The following MAP4K4 variants were observed in gnomAD, a reference collection of about 807,000 sequenced individuals.
MAP4K4 encodes the protein HPK/GCK-like kinase HGK.
Under a neutral mutation model 189.6 loss-of-function variants are expected in MAP4K4, and 38 were observed. The observed-to-expected ratio is 0.20, with a 90% CI of 0.15 to 0.26. The LOEUF is 0.26. MAP4K4 is among the 10% of genes least tolerant of loss of function. The probability of loss-of-function intolerance (pLI) is 1.00; values close to 1 mark genes in which losing one functional copy is unlikely to be tolerated. For synonymous variants in MAP4K4, 610 were observed against 624.3 expected, an observed-to-expected ratio of 0.98 and a Z score of 0.34; for missense variants, 1,054 against 1,726.9, an observed-to-expected ratio of 0.61 and a Z score of 6.91.
Position 101,814,055 on chromosome 2 carries a change from G to T in MAP4K4, c.181-9873G>T, listed in dbSNP as rs568615320. On this transcript the variant is annotated intron_variant, in intron 3 of 32. Coordinates refer to ENST00000324219, the Ensembl canonical transcript of MAP4K4. ...AGGGAGGTGATATTTAATTATTGAA[G>T]GCATGATGACTGGTGCCATCCTATA... Among the ~76,000 whole-genome samples, 4 of 152,252 alleles carry T rather than the reference G, an allele frequency of 2.6e-5. No homozygotes were observed. The South Asian group carries it at 8.3e-4, about 32-fold the overall frequency.
At chr2:101,855,875 A>C in intron 12 of MAP4K4, 102 bp from the exon 13 acceptor site, 2 of 1,150,912 alleles carry the variant, frequency 1.7e-6, no homozygotes, top group Non-Finnish European at 2.4e-6. Context: ...CATGAACCTC[A>C]CCTCATTAGT....
At chr2:101,874,550 T>G (rs923054740) in intron 26 of MAP4K4, among the ~76,000 whole-genome samples, 6 of 152,214 alleles carry the variant, frequency 3.9e-5, no homozygotes, top group Non-Finnish European at 5.9e-5. Context: ...GTCTGGGTTT[T>G]TAGTGTAACC....
chr2:101,821,798 ACTTTTAGGTTCTTTTGTAATAACAG>A (rs1468148107), intron 3 of MAP4K4, among the ~76,000 whole-genome samples: 2 of 152,202 alleles, frequency 1.3e-5, no homozygotes, highest in Admixed American at 6.5e-5. Context: ...ACTTTATAAA[ACTTTTAGGTTCTTTTGTAATAACAG>A]CTTAAAAAAC....
intron 22 of MAP4K4, 131 bp downstream of exon 22, chr2:101,869,928 A>G: frequency 7.9e-7 from 1 of 1,265,210 alleles, no homozygotes; most frequent in Non-Finnish European, 1.1e-6. Context: ...TGGATTCAGC[A>G]GCAGGTCGCC....
chr2:101,795,198 C>G (rs1451644027), intron 3 of MAP4K4, among the ~76,000 whole-genome samples: 1 of 152,202 alleles, frequency 6.6e-6, no homozygotes, highest in Non-Finnish European at 1.5e-5. Flanking sequence ...AGTAATCTAT[C>G]TCCAGGGTGA....
chr2:101,703,500 C>T (rs1461209881), intron 2 of MAP4K4, among the ~76,000 whole-genome samples: 1 of 151,246 alleles, frequency 6.6e-6, no homozygotes, highest in Non-Finnish European at 1.5e-5. Flanking sequence ...CGCCTGTAAT[C>T]CCAGCCACTT....
intron 3 of MAP4K4, among the ~76,000 whole-genome samples, chr2:101,791,239 C>T (rs1290565003): frequency 6.6e-6 from 1 of 151,988 alleles, no homozygotes; most frequent in Non-Finnish European, 1.5e-5. Flanking sequence ...GGTTGGAAAA[C>T]AGAAACATCT....
chr2:101,711,624 GT>G (rs1049349738), intron 2 of MAP4K4, among the ~76,000 whole-genome samples: 2 of 150,990 alleles, frequency 1.3e-5, no homozygotes, highest in East Asian at 3.9e-4. Context: ...TGATGTTGTG[GT>G]TTTTTTTTGA....
chr2:101,707,485 A>G (rs958753453), intron 2 of MAP4K4, among the ~76,000 whole-genome samples: 15 of 152,050 alleles, frequency 9.9e-5, no homozygotes, highest in Non-Finnish European at 1.6e-4. Context: ...CTGGGATTAC[A>G]GGCATGAACC....
intron 23 of MAP4K4, 47 bp downstream of exon 23, chr2:101,870,462 C>T (rs774355122): frequency 1.2e-6 from 2 of 1,605,256 alleles, no homozygotes; most frequent in Admixed American, 3.4e-5. Flanking sequence ...CTCCTGTGGT[C>T]ATTAACCCAC....
At chr2:101,837,058 T>A (rs2096777551) in intron 9 of MAP4K4, among the ~76,000 whole-genome samples, 1 of 152,076 alleles carries the variant, frequency 6.6e-6, no homozygotes, top group Admixed American at 6.5e-5. Flanking sequence ...GTGTTCTTCT[T>A]TCTGTTTTTC....
At chr2:101,893,116 A>C (rs1251959114) in exon 33 of MAP4K4, 1 of 456,126 alleles carries the variant, frequency 2.2e-6, no homozygotes, top group Non-Finnish European at 4.4e-6. Context: ...CTTGGCACCC[A>C]CTCTGACCTC....
chr2:101,769,834 G>T (rs1307254564), intron 2 of MAP4K4, among the ~76,000 whole-genome samples: 4 of 152,054 alleles, frequency 2.6e-5, no homozygotes, highest in Non-Finnish European at 1.5e-5. Flanking sequence ...CACCCACCTT[G>T]GCCTCCTAGA....
chr2:101,736,088 T>A (rs1188442733), intron 2 of MAP4K4, among the ~76,000 whole-genome samples: 5 of 152,262 alleles, frequency 3.3e-5, no homozygotes, highest in African/African-American at 1.2e-4. Flanking sequence ...GCAGAGCTGC[T>A]GGAGCTGCTG....
intron 12 of MAP4K4, among the ~76,000 whole-genome samples, chr2:101,853,726 A>G (rs1663847699): frequency 6.6e-6 from 1 of 152,094 alleles, no homozygotes; most frequent in South Asian, 2.1e-4. Context: ...GCACATACAT[A>G]CATATATACA....
intron 3 of MAP4K4, 75 bp downstream of exon 3, chr2:101,790,851 ACT>A (rs2092757315): frequency 8.0e-7 from 1 of 1,252,308 alleles, no homozygotes; most frequent in Non-Finnish European, 1.1e-6. Flanking sequence ...ACAGAGTATT[ACT>A]CTGTTTGGAA....
chr2:101,726,323 A>T (rs939563290), intron 2 of MAP4K4, among the ~76,000 whole-genome samples: 12 of 152,216 alleles, frequency 7.9e-5, no homozygotes, highest in Non-Finnish European at 1.2e-4. Context: ...TTAAAAACTG[A>T]TGTAAGCATC....
intron 9 of MAP4K4, among the ~76,000 whole-genome samples, chr2:101,839,259 C>G (rs1476413204): frequency 6.6e-6 from 1 of 152,176 alleles, no homozygotes; most frequent in Non-Finnish European, 1.5e-5. Context: ...TTCCCTCCAT[C>G]CCTCCAAAAG....
intron 3 of MAP4K4, among the ~76,000 whole-genome samples, chr2:101,797,719 A>C (rs1023131644): frequency 1.3e-5 from 2 of 151,918 alleles, no homozygotes; most frequent in Non-Finnish European, 2.9e-5. Flanking sequence ...AAGCTCTTAA[A>C]ATCAGTTAAA....
Sources: allele counts gnomAD v4.1 joint callset (sites outside exome capture counted in the v4.1 genomes callset), GRCh38; gene constraint gnomAD v4.1.1; transcripts MANE v1.5; gene names NCBI Gene and HGNC (gene_info 2026-07-23, HGNC 2026-07-21).